GABARAPL1: variants seen among roughly 807,000 people sequenced by gnomAD.
The protein encoded by GABARAPL1 is gamma-aminobutyric acid receptor-associated protein-like 1.
Under a neutral mutation model 14.5 loss-of-function variants are expected in GABARAPL1, and 4 were observed. That is an observed-to-expected ratio of 0.28 (90% CI 0.14 to 0.63). The LOEUF is 0.63. Ranked by LOEUF, GABARAPL1 falls within the 30% of genes least tolerant of loss-of-function variation. The pLI is 0.84. For missense variants in GABARAPL1, 82 were observed against 139.2 expected, an observed-to-expected ratio of 0.59 and a Z score of 2.07; for synonymous variants, 47 against 50.6, an observed-to-expected ratio of 0.93 and a Z score of 0.30.
chr12:10,220,873 T>A (rs529888311), intron 3 of GABARAPL1: 213 of 1,415,316 alleles, frequency 1.5e-4, no homozygotes, highest in Non-Finnish European at 1.9e-4. Context: ...TTCCAAAGCG[T>A]CAGCCCATCG....
Position 10,222,078 on chromosome 12 carries a change from G to T in GABARAPL1, c.*226G>T. 1 of 540,864 alleles carries T rather than the reference G, an allele frequency of 1.8e-6. No individual in the cohort carries two copies. The highest frequency in any genetic ancestry group is 3.3e-6 in the Non-Finnish European group (1 of 299,062). The allele number at this position is 540,864 out of a possible 1,614,324, so 33.5% of individuals were successfully genotyped here. On this transcript the variant is annotated 3_prime_UTR_variant, in exon 4 of 4. Coordinates refer to ENST00000266458, the MANE Select transcript of GABARAPL1 (RefSeq NM_031412.4). ...AAAGCATGTCAGGACAGAGCTGTTG[G>T]ATTGGCTTTGATAGAGGAATGGGGA... is the stretch of plus-strand genomic sequence containing the variant.
chr12:10,217,672 G>A (rs1949098266), intron 1 of GABARAPL1, among the ~76,000 whole-genome samples: 1 of 152,196 alleles, frequency 6.6e-6, no homozygotes, highest in African/African-American at 2.4e-5. Flanking sequence ...GGTGGAGATT[G>A]CAGTGAGCTG....
chr12:10,217,550 G>T (rs975998433), intron 1 of GABARAPL1, among the ~76,000 whole-genome samples: 7 of 152,102 alleles, frequency 4.6e-5, no homozygotes, highest in African/African-American at 1.7e-4. Context: ...TGCCCAACAT[G>T]GTGAAACCGC....
At chr12:10,215,783 C>A (rs1002373022) in intron 1 of GABARAPL1, among the ~76,000 whole-genome samples, 1 of 152,108 alleles carries the variant, frequency 6.6e-6, no homozygotes, top group Non-Finnish European at 1.5e-5. Context: ...TACCCTATTT[C>A]AGTTTTTATT....
At chr12:10,216,770 C>T (rs536185581) in intron 1 of GABARAPL1, among the ~76,000 whole-genome samples, 3 of 152,110 alleles carry the variant, frequency 2.0e-5, no homozygotes, top group African/African-American at 7.2e-5. Flanking sequence ...GAACTCCCGA[C>T]CTCAGATGAT....
intron 3 of GABARAPL1, chr12:10,221,136 A>G: frequency 1.0e-6 from 1 of 984,298 alleles, no homozygotes; most frequent in Non-Finnish European, 1.2e-6. Flanking sequence ...AACAAAACTA[A>G]AACTGTGAAA....
intron 1 of GABARAPL1, among the ~76,000 whole-genome samples, chr12:10,216,319 C>T (rs113508885): frequency 0.036 from 5,480 of 151,798 alleles, 323 homozygotes; most frequent in African/African-American, 0.12. Flanking sequence ...TGCAGTGATC[C>T]GAGATCAGGC....
intron 3 of GABARAPL1, 32 bp downstream of exon 3, chr12:10,220,590 C>T (rs1210501575): frequency 5.6e-6 from 9 of 1,613,716 alleles, no homozygotes; most frequent in African/African-American, 1.3e-5. Context: ...TACTGGATGC[C>T]GTCCAGTGCA....
At chr12:10,218,812 G>A (rs1260169046) in intron 2 of GABARAPL1, among the ~76,000 whole-genome samples, 8 of 151,364 alleles carry the variant, frequency 5.3e-5, no homozygotes, top group Admixed American at 1.3e-4. Context: ...GGATTCAAGC[G>A]ATTCTCCTGC....
intron 2 of GABARAPL1, among the ~76,000 whole-genome samples, chr12:10,219,374 T>C (rs1428683901): frequency 6.6e-6 from 1 of 151,780 alleles, no homozygotes; most frequent in Non-Finnish European, 1.5e-5. Flanking sequence ...TTAATTGTGA[T>C]ATCAATTTGT....
intron 2 of GABARAPL1, among the ~76,000 whole-genome samples, chr12:10,220,160 G>T (rs561258170): frequency 1.3e-5 from 2 of 152,272 alleles, no homozygotes; most frequent in African/African-American, 4.8e-5. Context: ...GTAGTCCTCA[G>T]GCTTTGAGTG....
At chr12:10,213,850 G>A (rs2137584519) in intron 1 of GABARAPL1, 1 of 456,024 alleles carries the variant, frequency 2.2e-6, no homozygotes, top group Non-Finnish European at 4.4e-6. Flanking sequence ...CGGGGCTTGT[G>A]TGGGGACAGC....
chr12:10,223,089 C>T lies in GABARAPL1; in HGVS notation c.*1237C>T, dbSNP rs1949127859. ...AGTTCTTGTATAATGAAGTCAATGC[C>T]ATCAGGCCAAGGAAATAAAATAATT... On this transcript the variant is annotated 3_prime_UTR_variant, in exon 4 of 4. Coordinates refer to ENST00000266458, the MANE Select transcript of GABARAPL1 (RefSeq NM_031412.4). 1 of 152,480 alleles carries T rather than the reference C, an allele frequency of 6.6e-6. No homozygotes were observed. The highest frequency in any genetic ancestry group is 1.5e-5 in the Non-Finnish European group (1 of 68,034). 9.4% of individuals were successfully genotyped at this position (152,480 alleles called of 1,614,324 possible).
chr12:10,213,807 C>T (rs1213891010), intron 1 of GABARAPL1: 1 of 455,638 alleles, frequency 2.2e-6, no homozygotes, highest in South Asian at 1.5e-5. Context: ...CGTTCTCTGC[C>T]CAACAGCCCT....
At chr12:10,215,951 TC>T (rs150218972) in intron 1 of GABARAPL1, among the ~76,000 whole-genome samples, 3 of 151,658 alleles carry the variant, frequency 2.0e-5, no homozygotes, top group East Asian at 1.9e-4. Context: ...AAGTTCAAAC[TC>T]CCCCCCAAGT....
intron 1 of GABARAPL1, among the ~76,000 whole-genome samples, chr12:10,217,255 T>C (rs1427076021): frequency 6.6e-6 from 1 of 152,244 alleles, no homozygotes; most frequent in Non-Finnish European, 1.5e-5. Flanking sequence ...TTGTCAGACT[T>C]GTTTTAACAC....
At position 10,222,337 on chromosome 12, in the gene GABARAPL1, T is replaced by C. The variant is rs74062112; in HGVS notation, c.*485T>C. ...AAAGAGACCCACTGTAATTGATGCA[T>C]TGTGGCCCCTGATCTTCCCTGTCTC... On this transcript the variant is annotated 3_prime_UTR_variant, in exon 4 of 4. Coordinates refer to ENST00000266458, the MANE Select transcript of GABARAPL1 (RefSeq NM_031412.4). The C allele has an allele frequency of 2.1e-4, 35 of 164,968 alleles. 1 individual carries two copies. In the South Asian group the frequency reaches 2.8e-3, roughly 13 times the overall value. 10.2% of individuals were successfully genotyped at this position (164,968 alleles called of 1,614,324 possible). A position where few individuals can be genotyped will look rare whatever the true frequency, so the allele number is the denominator to read the frequency against.
At chr12:10,216,177 C>T (rs975546034) in intron 1 of GABARAPL1, among the ~76,000 whole-genome samples, 2 of 151,904 alleles carry the variant, frequency 1.3e-5, no homozygotes, top group African/African-American at 4.8e-5. Context: ...TCGAAACCAG[C>T]CTGGCATCAT....
intron 1 of GABARAPL1, among the ~76,000 whole-genome samples, chr12:10,215,898 G>GT (rs34055825): frequency 1.0e-3 from 148 of 147,788 alleles, no homozygotes; most frequent in African/African-American, 3.3e-3. Flanking sequence ...TGTTTTTGTT[G>GT]TTTTTTTTTT....
Sources: allele counts gnomAD v4.1 joint callset (sites outside exome capture counted in the v4.1 genomes callset), GRCh38; gene constraint gnomAD v4.1.1; transcripts MANE v1.5; gene names NCBI Gene and HGNC (gene_info 2026-07-23, HGNC 2026-07-21).